The following AASS variants were observed in gnomAD, a reference collection of about 807,000 sequenced individuals.
The protein encoded by AASS is alpha-aminoadipic semialdehyde synthase, mitochondrial.
In AASS, 86 loss-of-function variants were observed where a neutral mutation model predicts 105.4. The observed-to-expected ratio is 0.82, with a 90% confidence interval of 0.69 to 0.98. AASS has a LOEUF of 0.98. Among genes scored for constraint, AASS ranks in the 50% least tolerant of loss-of-function variants. The probability of loss-of-function intolerance (pLI) is 0.00; values close to 1 mark genes in which losing one functional copy is unlikely to be tolerated. For synonymous variants in AASS, 381 were observed against 394.8 expected, an observed-to-expected ratio of 0.96 and a Z score of 0.41; for missense variants, 1,048 against 1,143.2, an observed-to-expected ratio of 0.92 and a Z score of 1.20.
At chr7:122,125,494 A>T (rs1584887186) in intron 4 of AASS, among the ~76,000 whole-genome samples, 2 of 152,226 alleles carry the variant, frequency 1.3e-5, no homozygotes, top group East Asian at 3.8e-4. Flanking sequence ...AGACAGGGTC[A>T]TTTATAACCT....
intron 2 of AASS, among the ~76,000 whole-genome samples, chr7:122,130,763 A>T (rs1795870745): frequency 6.6e-6 from 1 of 152,006 alleles, no homozygotes; most frequent in African/African-American, 2.4e-5. Flanking sequence ...ATGAATATAC[A>T]ATTTCTCCCT....
intron 19 of AASS, among the ~76,000 whole-genome samples, chr7:122,083,133 A>G (rs1157475136): frequency 6.6e-6 from 1 of 152,124 alleles, no homozygotes. Flanking sequence ...AACGTCAGAT[A>G]TTTCACTACT....
At chr7:122,126,740 T>C (rs950043750) in intron 3 of AASS, among the ~76,000 whole-genome samples, 1 of 152,130 alleles carries the variant, frequency 6.6e-6, no homozygotes, top group African/African-American at 2.4e-5. Flanking sequence ...CCTTTACCTT[T>C]CTGCCCCGAC....
intron 11 of AASS, among the ~76,000 whole-genome samples, chr7:122,107,779 C>T (rs891085627): frequency 1.3e-5 from 2 of 151,952 alleles, no homozygotes. Flanking sequence ...CAAAAAATGA[C>T]TATTGGGTAG....
At chr7:122,103,330 A>C (rs575093851) in intron 11 of AASS, among the ~76,000 whole-genome samples, 237 of 152,208 alleles carry the variant, frequency 1.6e-3, no homozygotes, top group African/African-American at 5.4e-3. Context: ...GATGCACAGA[A>C]ACCTGCCAGC....
At chr7:122,116,526 A>G in intron 8 of AASS, 107 bp downstream of exon 8, 2 of 1,437,582 alleles carry the variant, frequency 1.4e-6, no homozygotes, top group Non-Finnish European at 1.9e-6. Context: ...AGGACTCACA[A>G]CAGGAAAACT....
chr7:122,138,446 T>G (rs888250201), intron 1 of AASS, among the ~76,000 whole-genome samples: 3 of 152,212 alleles, frequency 2.0e-5, no homozygotes, highest in Non-Finnish European at 4.4e-5. Flanking sequence ...GACAATATAC[T>G]GTAATAAAAG....
chr7:122,114,316 C>G (rs1469975706), intron 9 of AASS, among the ~76,000 whole-genome samples: 2 of 152,172 alleles, frequency 1.3e-5, no homozygotes, highest in Admixed American at 1.3e-4. Context: ...TCATTCCTCC[C>G]TTTAAGGTTT....
At chr7:122,118,675 A>C (rs1223419330) in intron 4 of AASS, 45 bp from the exon 5 acceptor site, 1 of 1,587,282 alleles carries the variant, frequency 6.3e-7, no homozygotes, top group Non-Finnish European at 8.6e-7. Context: ...GTTGGGAAGA[A>C]TTTAAGCTGT....
intron 11 of AASS, 45 bp downstream of exon 11, chr7:122,113,073 A>G: frequency 6.8e-7 from 1 of 1,469,198 alleles, no homozygotes; most frequent in Non-Finnish European, 9.5e-7. Context: ...TCAATTATTC[A>G]ATTTAAAGCC....
chr7:122,108,714 T>G (rs1794786016), intron 11 of AASS, among the ~76,000 whole-genome samples: 1 of 152,098 alleles, frequency 6.6e-6, no homozygotes, highest in South Asian at 2.1e-4. Context: ...ACAGCTAACA[T>G]CATACTGATC....
intron 4 of AASS, among the ~76,000 whole-genome samples, chr7:122,120,214 T>C (rs1182894263): frequency 1.3e-5 from 2 of 152,160 alleles, no homozygotes; most frequent in South Asian, 2.1e-4. Flanking sequence ...GTATAAAATA[T>C]TGTATTTCTC....
At chr7:122,098,406 A>T (rs1794267773) in intron 15 of AASS, 44 bp downstream of exon 15, 1 of 1,608,452 alleles carries the variant, frequency 6.2e-7, no homozygotes, top group Non-Finnish European at 8.5e-7. Context: ...TGAGAAAAGA[A>T]ATAACAACAA....
At chr7:122,084,195 T>C (rs1793512246) in intron 19 of AASS, among the ~76,000 whole-genome samples, 1 of 152,142 alleles carries the variant, frequency 6.6e-6, no homozygotes, top group Non-Finnish European at 1.5e-5. Context: ...CAGACTAGAA[T>C]TTCTACTGTG....
At chr7:122,081,848 A>G (rs1793345687) in intron 19 of AASS, 3 of 472,148 alleles carry the variant, frequency 6.4e-6, no homozygotes, top group Non-Finnish European at 1.1e-5. Flanking sequence ...ACTGAGATCA[A>G]TAGTGTCATA....
chr7:122,132,415 G>A (rs1160189662), intron 2 of AASS, among the ~76,000 whole-genome samples: 5 of 152,132 alleles, frequency 3.3e-5, no homozygotes, highest in Non-Finnish European at 7.4e-5. Context: ...ACTGATCCAG[G>A]CAAAGATTAT....
At chr7:122,115,357 C>T in intron 8 of AASS, 135 bp from the exon 9 acceptor site, 2 of 1,184,462 alleles carry the variant, frequency 1.7e-6, no homozygotes, top group Non-Finnish European at 2.4e-6. Context: ...TTGTCCATGT[C>T]AGTGTCCATC....
intron 23 of AASS, 152 bp downstream of exon 23, chr7:122,077,686 A>C: frequency 1.1e-6 from 1 of 900,270 alleles, no homozygotes; most frequent in Non-Finnish European, 1.8e-6. Context: ...TCAAAAGGGG[A>C]CCTCCCAGGC....
chr7:122,089,719 G>A (rs1006899319), intron 18 of AASS, among the ~76,000 whole-genome samples: 2 of 152,138 alleles, frequency 1.3e-5, no homozygotes, highest in Non-Finnish European at 2.9e-5. Flanking sequence ...GGAACCCAAA[G>A]CTCACAACCA....
Sources: allele counts gnomAD v4.1 joint callset (sites outside exome capture counted in the v4.1 genomes callset), GRCh38; gene constraint gnomAD v4.1.1; transcripts MANE v1.5; gene names NCBI Gene and HGNC (gene_info 2026-07-23, HGNC 2026-07-21).